The following IGSF3 variants were observed in gnomAD, a reference collection of about 807,000 sequenced individuals.
IGSF3 encodes immunoglobulin superfamily member 3.
In IGSF3, 23 loss-of-function variants were observed where a neutral mutation model predicts 114.4. The observed-to-expected ratio is 0.20, with a 90% CI of 0.14 to 0.28. IGSF3 has a LOEUF of 0.28. IGSF3 is among the 10% of genes least tolerant of loss of function. IGSF3 has a pLI of 1.00. For synonymous variants in IGSF3, 571 were observed against 645.2 expected (o/e 0.88, Z 1.74); for missense variants, 1,172 against 1,591.5 (o/e 0.74, Z 4.48).
At chr1:116,622,303 T>C (rs4044810) in intron 2 of IGSF3, among the ~76,000 whole-genome samples, 2 of 152,172 alleles carry the variant, frequency 1.3e-5, no homozygotes, top group Admixed American at 6.6e-5. Context: ...GATCAAATAA[T>C]ACTGTGAAAG....
intron 2 of IGSF3, among the ~76,000 whole-genome samples, chr1:116,659,172 G>A (rs1289434825): frequency 1.3e-5 from 2 of 152,114 alleles, no homozygotes; most frequent in Non-Finnish European, 2.9e-5. Flanking sequence ...TATAGATGCG[G>A]AAGACATACA....
Position 116,579,782 on chromosome 1 carries a change from G to A in IGSF3, c.2944C>T (p.Gln982Ter). The A allele has an allele frequency of 6.2e-7, 1 of 1,614,142 alleles. No individual in the cohort carries two copies. The highest frequency in any genetic ancestry group is 8.5e-7 in the Non-Finnish European group (1 of 1,180,034). ...CAGGCCACAGCGAAGCGGGAGTCCT[G>A]GCTGGAGCGGGACACGATGCTACAG... ...LDCSIVSRSS[Q>*]DSRFAVAWYS... is the part of the protein sequence containing the mutation. Residue 982 changes from glutamine (Q) to a stop codon, truncating the protein, a stop_gained, in exon 10 of 11, where the codon CAG (glutamine) becomes TAG (stop). Coordinates refer to ENST00000369486, the MANE Select transcript of IGSF3 (RefSeq NM_001007237.3). LOFTEE classifies it high-confidence loss of function. This position sits in a 1 kb window ranked among gnomAD's most constrained non-coding sequence, Gnocchi z 6.4.
chr1:116,640,992 A>C (rs1340621795), intron 2 of IGSF3, among the ~76,000 whole-genome samples: 3 of 152,254 alleles, frequency 2.0e-5, no homozygotes. Context: ...TAGTAAGTGC[A>C]GCTTAATCAA....
intron 2 of IGSF3, among the ~76,000 whole-genome samples, chr1:116,637,279 G>A (rs1400075055): frequency 1.3e-5 from 2 of 152,152 alleles, no homozygotes; most frequent in African/African-American, 2.4e-5. Context: ...AACTGAAATT[G>A]GGCTCAGGGG....
chr1:116,613,999 G>T lies in IGSF3; in HGVS notation c.598C>A (p.Arg200=). The change falls in exon 4 of 11, where the codon CGA becomes AGA. Residue 200 remains arginine, a synonymous_variant. Transcript: ENST00000369486. ...EKPVEVISLS[R]DFMLHSSSEY... is the part of the protein sequence containing the mutation. Reference sequence around the variant, plus strand: ...CTGCTGGAGTGAAGCATGAAATCTCGGCTCAGGGAGATGACCTCCACGGGC... The same window carrying T: ...CTGCTGGAGTGAAGCATGAAATCTCTGCTCAGGGAGATGACCTCCACGGGC... 1 of 1,614,050 alleles carries T rather than the reference G, an allele frequency of 6.2e-7. No individual in the cohort carries two copies. The highest frequency in any genetic ancestry group is 1.1e-5 in the South Asian group (1 of 91,074).
At position 116,593,099 on chromosome 1, in the gene IGSF3, C is replaced by T. The variant is rs191972095; in HGVS notation, c.2030-3995G>A. ...AAGCTTCGGCCACACTGCAAGGGGC[C>T]TGCAGCTTGTACTTGATCCTGACCA... On this transcript the variant is annotated intron_variant, in intron 7 of 10. Coordinates refer to ENST00000369486, the MANE Select transcript of IGSF3 (RefSeq NM_001007237.3). This position sits in a 1 kb window ranked among gnomAD's most constrained non-coding sequence, Gnocchi z 4.5. 6.6e-6 allele frequency among the ~76,000 whole-genome samples: 1 copy of T among 152,310 alleles called. No individual in the cohort carries two copies. The highest frequency in any genetic ancestry group is 1.5e-5 in the Non-Finnish European group (1 of 68,022).
At position 116,582,094 on chromosome 1, in the gene IGSF3, C is replaced by T. The variant is rs1396821175; in HGVS notation, c.2849-2217G>A. 6.6e-6 allele frequency among the ~76,000 whole-genome samples: 1 copy of T among 152,160 alleles called. No homozygotes were observed. The highest frequency in any genetic ancestry group is 1.5e-5 in the Non-Finnish European group (1 of 68,042). ...CTAACCGCTTAACATTTTTCTTGGC[C>T]CCTTCAAATGCCTTGTCTGCATAAA... On this transcript the variant is annotated intron_variant, in intron 9 of 10. Transcript: ENST00000369486. The surrounding 1 kb of genome is among the most constrained non-coding windows in gnomAD (Gnocchi z 4.7).
Position 116,582,272 on chromosome 1 carries a change from C to T in IGSF3, c.2848+2373G>A, listed in dbSNP as rs972046866. Among the ~76,000 whole-genome samples the T allele has an allele frequency of 6.6e-6, 1 of 152,228 alleles. No homozygotes were observed. The highest frequency in any genetic ancestry group is 2.4e-5 in the African/African-American group (1 of 41,466). On this transcript the variant is annotated intron_variant, in intron 9 of 10. Coordinates refer to ENST00000369486, the MANE Select transcript of IGSF3 (RefSeq NM_001007237.3). This position sits in a 1 kb window ranked among gnomAD's most constrained non-coding sequence, Gnocchi z 4.7. ...CCTGTTTGGACTTAAATACTCTCTTCTTTTCCAAGTATAAGCCATGGAAAG... is the reference window on the plus strand; with the variant it reads ...CCTGTTTGGACTTAAATACTCTCTTTTTTTCCAAGTATAAGCCATGGAAAG...
rs949409091 is a variant in IGSF3 at position 116,576,595 on chromosome 1, CAGAT to C, written c.*713_*716del. On this transcript the variant is annotated 3_prime_UTR_variant, in exon 11 of 11. Transcript: ENST00000369486. This position sits in a 1 kb window ranked among gnomAD's most constrained non-coding sequence, Gnocchi z 4.6. Reference sequence around the variant, plus strand: ...GATGAAGCCTTTTTTGCCTCCCTGACAGATAGGCCGGGCACCATCTACTCCTAAT... The same window carrying C: ...GATGAAGCCTTTTTTGCCTCCCTGACAGGCCGGGCACCATCTACTCCTAAT... The C allele has an allele frequency of 1.3e-5, 2 of 152,670 alleles. No individual in the cohort carries two copies. Among genetic ancestry groups the C allele is most frequent in the East Asian group, 1.9e-4 (1 of 5,204 alleles). The allele number at this position is 152,670 out of a possible 1,614,324, so 9.5% of individuals were successfully genotyped here.
intron 2 of IGSF3, among the ~76,000 whole-genome samples, chr1:116,660,191 G>A (rs1445700774): frequency 1.3e-5 from 2 of 152,198 alleles, no homozygotes; most frequent in African/African-American, 4.8e-5. Context: ...GGCCTGCTGA[G>A]GCCTTTGCAT....
Position 116,574,847 on chromosome 1 carries a change from A to G in IGSF3, c.*2465T>C, listed in dbSNP as rs1476544470. 3 of 152,666 alleles carry G rather than the reference A, an allele frequency of 2.0e-5. No homozygotes were observed. The highest frequency in any genetic ancestry group is 1.3e-4 in the Admixed American group (2 of 15,284). The allele number at this position is 152,666 out of a possible 1,614,324, so 9.5% of individuals were successfully genotyped here. ...ACATCGCATTTCCATAGAAATGGCC[A>G]AAGAAAGAAGGTCCTGGGGTTTTTC... On this transcript the variant is annotated 3_prime_UTR_variant, in exon 11 of 11. Transcript: ENST00000369486. The surrounding 1 kb of genome is among the most constrained non-coding windows in gnomAD (Gnocchi z 5.2).
chr1:116,634,159 A>T lies in IGSF3; in HGVS notation c.44-17702T>A, dbSNP rs928187552. ...GTGTACATCCTTCGGTATCCTTTTT[A>T]ATTGAACACATGTGAATGTATTACC... On this transcript the variant is annotated intron_variant, in intron 2 of 10. Coordinates refer to ENST00000369486, the MANE Select transcript of IGSF3 (RefSeq NM_001007237.3). The surrounding 1 kb of genome is among the most constrained non-coding windows in gnomAD (Gnocchi z 4.2). 6.6e-6 allele frequency among the ~76,000 whole-genome samples: 1 copy of T among 152,244 alleles called. No homozygotes were observed. The highest frequency in any genetic ancestry group is 6.5e-5 in the Admixed American group (1 of 15,290).
At position 116,605,112 on chromosome 1, in the gene IGSF3, T is replaced by G. The variant is rs1660739997; in HGVS notation, c.1223-1087A>C. Among the ~76,000 whole-genome samples the G allele has an allele frequency of 6.6e-6, 1 of 152,158 alleles. No individual in the cohort carries two copies. The highest frequency in any genetic ancestry group is 1.5e-5 in the Non-Finnish European group (1 of 68,042). ...TTATCTATATTGAGTTCAGAAGGTC[T>G]GTAAGTATTAAAGAACACAAAGTAA... On this transcript the variant is annotated intron_variant, in intron 5 of 10. Coordinates refer to ENST00000369486, the MANE Select transcript of IGSF3 (RefSeq NM_001007237.3). This position sits in a 1 kb window ranked among gnomAD's most constrained non-coding sequence, Gnocchi z 5.1.
At chr1:116,663,568 C>T (rs1184121218) in intron 2 of IGSF3, among the ~76,000 whole-genome samples, 11 of 151,564 alleles carry the variant, frequency 7.3e-5, no homozygotes, top group Admixed American at 7.2e-4. Flanking sequence ...GGAAACAACA[C>T]ACAGAGGTCA....
intron 2 of IGSF3, among the ~76,000 whole-genome samples, chr1:116,656,039 A>C (rs1648831216): frequency 1.3e-5 from 2 of 152,160 alleles, no homozygotes; most frequent in Non-Finnish European, 2.9e-5. Flanking sequence ...ACCAGCTATA[A>C]AATAACCAAA....
In IGSF3 at chr1:116,654,239, T is replaced by A. The variant is rs936616124; in HGVS notation, c.43+12045A>T. ...CTGCTTGTAGGGAGAAGAATGGCCC[T>A]GCACAGAGGCTCCTGAGGGCAGCAG... is the stretch of plus-strand genomic sequence containing the variant. On this transcript the variant is annotated intron_variant, in intron 2 of 10. Transcript: ENST00000369486. This position sits in a 1 kb window ranked among gnomAD's most constrained non-coding sequence, Gnocchi z 4.4. Among the ~76,000 whole-genome samples the A allele has an allele frequency of 5.9e-5, 9 of 152,214 alleles. No homozygotes were observed. The highest frequency in any genetic ancestry group is 2.2e-4 in the African/African-American group (9 of 41,460).
In IGSF3 at chr1:116,607,124, A is replaced by C. The variant is rs565833246; in HGVS notation, c.1222+818T>G. Among the ~76,000 whole-genome samples the C allele has an allele frequency of 2.6e-5, 4 of 152,338 alleles. No homozygotes were observed. The South Asian group carries it at 8.3e-4, about 32-fold the overall frequency. The stretch of plus-strand genomic sequence containing the variant: ...GACAAGGTTAAAGGTTAGTCTTAAA[A>C]CTTTACCACTTGTTTAAAATCAGAG... On this transcript the variant is annotated intron_variant, in intron 5 of 10. Transcript: ENST00000369486. This position sits in a 1 kb window ranked among gnomAD's most constrained non-coding sequence, Gnocchi z 6.1.
chr1:116,596,684 A>G lies in IGSF3; in HGVS notation c.2029+3257T>C, dbSNP rs1189969307. On this transcript the variant is annotated intron_variant, in intron 7 of 10. Coordinates refer to ENST00000369486, the MANE Select transcript of IGSF3 (RefSeq NM_001007237.3). The surrounding 1 kb of genome is among the most constrained non-coding windows in gnomAD (Gnocchi z 4.1). ...AAAGAGGATTCCTGAGAAGAAAAAC[A>G]CTTGTCTAGAACATATAATAATAAA... Among the ~76,000 whole-genome samples the G allele has an allele frequency of 1.3e-5, 2 of 152,214 alleles. No homozygotes were observed. The highest frequency in any genetic ancestry group is 2.9e-5 in the Non-Finnish European group (2 of 68,036).
Position 116,618,895 on chromosome 1 carries a change from C to T in IGSF3, c.44-2438G>A, listed in dbSNP as rs1661316198. 6.6e-6 allele frequency among the ~76,000 whole-genome samples: 1 copy of T among 152,230 alleles called. No homozygotes were observed. Among genetic ancestry groups the T allele is most frequent in the South Asian group, 2.1e-4 (1 of 4,834 alleles). On this transcript the variant is annotated intron_variant, in intron 2 of 10. Transcript: ENST00000369486. This position sits in a 1 kb window ranked among gnomAD's most constrained non-coding sequence, Gnocchi z 4.7. ...AGAAGGCTAGAGGCAAGTCAGGGTA[C>T]ACCAGCATCTTTAAGGACTGCTTCT...
Sources: allele counts gnomAD v4.1 joint callset (sites outside exome capture counted in the v4.1 genomes callset), GRCh38; gene constraint gnomAD v4.1.1; non-coding constraint Gnocchi (gnomAD v3.1); transcripts MANE v1.5; gene names NCBI Gene and HGNC (gene_info 2026-07-23, HGNC 2026-07-21).